BANK1: variants seen among roughly 807,000 people sequenced by gnomAD.
The protein encoded by BANK1 is B-cell scaffold protein with ankyrin repeats.
BANK1 carries 95 observed loss-of-function variants against 94.5 expected under a neutral mutation model. That is an observed-to-expected ratio of 1.00 (90% CI 0.85 to 1.19). The LOEUF (loss-of-function observed/expected upper bound fraction) is 1.19, where lower values mean the gene tolerates loss of function less well. BANK1 is among the 50% of genes most tolerant of loss of function. The pLI, the probability that BANK1 is intolerant of heterozygous loss-of-function variation, is 0.00. For synonymous variants in BANK1, 334 were observed against 308.4 expected (o/e 1.08, Z -0.87); for missense variants, 987 against 932.2 (o/e 1.06, Z -0.77).
At chr4:101,879,585 A>G (rs36005813) in intron 5 of BANK1, among the ~76,000 whole-genome samples, 11,449 of 152,094 alleles carry the variant, frequency 0.075, 630 homozygotes, top group Admixed American at 0.19. Flanking sequence ...AACACTTCCA[A>G]ACTAATTCTA....
At chr4:101,908,339 A>G (rs1412110592) in intron 6 of BANK1, among the ~76,000 whole-genome samples, 3 of 152,226 alleles carry the variant, frequency 2.0e-5, no homozygotes, top group Non-Finnish European at 2.9e-5. Context: ...GTGCTGGGAA[A>G]ACTGGCCAGC....
intron 11 of BANK1, among the ~76,000 whole-genome samples, chr4:102,047,029 T>C (rs1447936840): frequency 3.3e-5 from 5 of 152,114 alleles, no homozygotes; most frequent in Non-Finnish European, 7.4e-5. Flanking sequence ...CAGGAAATTG[T>C]TTCACAGCAA....
intron 2 of BANK1, among the ~76,000 whole-genome samples, chr4:101,830,918 A>AT (rs566397954): frequency 1.4e-3 from 209 of 151,946 alleles, no homozygotes; most frequent in African/African-American, 4.6e-3. Flanking sequence ...AAAGTTGGCT[A>AT]TTTTTTTTGG....
At chr4:101,879,613 T>G (rs1448384258) in intron 5 of BANK1, among the ~76,000 whole-genome samples, 3 of 151,740 alleles carry the variant, frequency 2.0e-5, no homozygotes, top group Non-Finnish European at 3.0e-5. Context: ...TGTATTACCC[T>G]AATCCAGACA....
At position 101,886,764 on chromosome 4, in the gene BANK1, G is replaced by C. The variant is rs904977888; in HGVS notation, c.904-8541G>C. 3.1e-4 allele frequency among the ~76,000 whole-genome samples: 41 copies of C among 134,280 alleles called. No homozygotes were observed. The South Asian group carries it at 7.2e-3, about 23-fold the overall frequency. 88.1% of individuals were successfully genotyped at this position (134,280 alleles called of 152,430 possible). A position where few individuals can be genotyped will look rare whatever the true frequency, so the allele number is the denominator to read the frequency against. The stretch of plus-strand genomic sequence containing the variant: ...ACATTAGGAATTAACAATATATTGG[G>C]GGGGGGGGCATGTTGAAAAACTGAG... On this transcript the variant is annotated intron_variant, in intron 5 of 16. Coordinates refer to ENST00000322953, the MANE Select transcript of BANK1 (RefSeq NM_017935.5).
intron 12 of BANK1, among the ~76,000 whole-genome samples, chr4:102,060,808 T>C (rs1358266751): frequency 6.6e-6 from 1 of 152,186 alleles, no homozygotes; most frequent in East Asian, 1.9e-4. Context: ...TTATCTTCTT[T>C]CTCCTTAAAC....
chr4:101,796,292 C>T (rs1725153125), intron 1 of BANK1, among the ~76,000 whole-genome samples: 1 of 152,064 alleles, frequency 6.6e-6, no homozygotes, highest in South Asian at 2.1e-4. Flanking sequence ...ACATGAATTT[C>T]TCCTTACATG....
chr4:101,874,468 A>G (rs890157726), intron 5 of BANK1, among the ~76,000 whole-genome samples: 10 of 152,122 alleles, frequency 6.6e-5, no homozygotes, highest in South Asian at 2.1e-4. Flanking sequence ...TATCTTTCTC[A>G]AAAGCTTAAT....
At chr4:102,011,053 T>C (rs1487204435) in intron 7 of BANK1, among the ~76,000 whole-genome samples, 1 of 152,244 alleles carries the variant, frequency 6.6e-6, no homozygotes, top group East Asian at 1.9e-4. Flanking sequence ...AATTTTGTTT[T>C]TAATTTAAAG....
chr4:101,873,033 AC>A (rs1728354123), intron 5 of BANK1, among the ~76,000 whole-genome samples: 1 of 151,946 alleles, frequency 6.6e-6, no homozygotes, highest in Admixed American at 6.6e-5. Flanking sequence ...AGAAAAAAAA[AC>A]CCAGCATTTT....
intron 7 of BANK1, among the ~76,000 whole-genome samples, chr4:102,005,245 ATAATC>A (rs1726216777): frequency 6.6e-6 from 1 of 152,084 alleles, no homozygotes; most frequent in Non-Finnish European, 1.5e-5. Context: ...CAACATGACA[ATAATC>A]TATGAATTCT....
intron 15 of BANK1, among the ~76,000 whole-genome samples, chr4:102,073,436 ACAAATTC>A (rs995366784): frequency 1.3e-5 from 2 of 152,060 alleles, no homozygotes; most frequent in African/African-American, 4.8e-5. Context: ...GGAAAAGAAT[ACAAATTC>A]CCAATGCTTA....
chr4:102,002,655 C>A (rs1726120264), intron 7 of BANK1, among the ~76,000 whole-genome samples: 1 of 151,874 alleles, frequency 6.6e-6, no homozygotes, highest in Admixed American at 6.6e-5. Context: ...AAGATATACA[C>A]CTATAACTCA....
intron 7 of BANK1, among the ~76,000 whole-genome samples, chr4:102,004,530 T>A (rs1209619012): frequency 6.6e-6 from 1 of 152,166 alleles, no homozygotes; most frequent in Non-Finnish European, 1.5e-5. Flanking sequence ...GCAGAGAGAA[T>A]TTTTGGATGG....
chr4:101,900,569 T>G (rs973350795), intron 6 of BANK1, among the ~76,000 whole-genome samples: 3 of 152,098 alleles, frequency 2.0e-5, no homozygotes, highest in African/African-American at 7.2e-5. Flanking sequence ...TGCTTGAGCT[T>G]GGTAGCTCTT....
At chr4:102,004,525 G>T (rs1726184643) in intron 7 of BANK1, among the ~76,000 whole-genome samples, 3 of 152,208 alleles carry the variant, frequency 2.0e-5, no homozygotes, top group African/African-American at 7.2e-5. Context: ...CTTTGGCAGA[G>T]AGAATTTTTG....
At chr4:101,963,639 G>A (rs1724646151) in intron 7 of BANK1, among the ~76,000 whole-genome samples, 1 of 151,994 alleles carries the variant, frequency 6.6e-6, no homozygotes, top group South Asian at 2.1e-4. Flanking sequence ...ATTCATTTAG[G>A]CTTCCATATT....
chr4:101,842,467 T>A (rs554758275), intron 2 of BANK1, among the ~76,000 whole-genome samples: 1 of 152,322 alleles, frequency 6.6e-6, no homozygotes, highest in African/African-American at 2.4e-5. Context: ...ACTATTCTCA[T>A]TTTTAAGTAA....
intron 8 of BANK1, among the ~76,000 whole-genome samples, chr4:102,023,235 CCTTCACTAG>C (rs1307056586): frequency 6.6e-6 from 1 of 152,092 alleles, no homozygotes; most frequent in East Asian, 1.9e-4. Context: ...CAAGTAAATG[CCTTCACTAG>C]CATACTTTGG....
Sources: gnomAD v4.1 joint callset for allele counts (sites outside exome capture counted in the v4.1 genomes callset) on GRCh38, gnomAD v4.1.1 for gene constraint, MANE v1.5 for transcripts, NCBI Gene and HGNC (gene_info 2026-07-23, HGNC 2026-07-21) for gene names.